Variants in NLGN4X observed in about 807,000 individuals in gnomAD.
The protein encoded by NLGN4X is neuroligin 4 X-linked.
A neutral mutation model predicts 40.3 loss-of-function variants in NLGN4X; 3 were observed. The observed-to-expected ratio is 0.07, with a 90% CI of 0.03 to 0.19. NLGN4X has a LOEUF of 0.19. NLGN4X is among the 10% of genes least tolerant of loss of function. The pLI, the probability that NLGN4X is intolerant of heterozygous loss-of-function variation, is 1.00. For missense variants in NLGN4X, 382 were observed against 708.3 expected, an observed-to-expected ratio of 0.54 and a Z score of 5.23; for synonymous variants, 270 against 306.8, an observed-to-expected ratio of 0.88 and a Z score of 1.25.
chrX:5,959,805 G>A (rs1289323700), intron 3 of NLGN4X, among the ~76,000 whole-genome samples: 1 of 111,144 alleles, frequency 9.0e-6, no homozygotes, highest in Non-Finnish European at 1.9e-5. Flanking sequence ...AATTGTTTTT[G>A]TTGATTTCTT....
At chrX:5,988,339 G>A (rs1569171327) in intron 3 of NLGN4X, among the ~76,000 whole-genome samples, 1 of 111,835 alleles carries the variant, frequency 8.9e-6, no homozygotes, top group Non-Finnish European at 1.9e-5. Context: ...AATTTATTAG[G>A]ACCCTCTAAG....
chrX:6,228,576 T>C lies in NLGN4X; in HGVS notation c.-341A>G, dbSNP rs1602466206. ...GAAGAGCTGCATCGGCCGTTAAGAG[T>C]TCTTTTTACACGTCCAGATTTTTCT... On this transcript the variant is annotated 5_prime_UTR_variant, in exon 1 of 6. Transcript: ENST00000381095. 9.0e-6 allele frequency: 1 copy of C among 110,625 alleles called. No homozygotes were observed. Among genetic ancestry groups the C allele is most frequent in the Non-Finnish European group, 1.9e-5 (1 of 52,939 alleles). 9.1% of individuals were successfully genotyped at this position (110,625 alleles called of 1,213,427 possible).
intron 3 of NLGN4X, among the ~76,000 whole-genome samples, chrX:5,984,955 A>G (rs141904092): frequency 0.067 from 7,509 of 111,691 alleles, 628 homozygotes; most frequent in African/African-American, 0.23. Flanking sequence ...TAGTGTAATC[A>G]TCAGAAAATC....
At chrX:6,186,488 T>C (rs1288217740) in intron 1 of NLGN4X, among the ~76,000 whole-genome samples, 1 of 112,155 alleles carries the variant, frequency 8.9e-6, no homozygotes, top group Admixed American at 9.5e-5. Context: ...CATTTAACTA[T>C]ATATGCTTGC....
rs766292457 is a variant in NLGN4X at position 6,100,556 on chromosome X, G to A, written c.472+50439C>T. On this transcript the variant is annotated intron_variant, in intron 2 of 5. Transcript: ENST00000381095. ...TAGCTGCAGGTAGAGTCCAGTGGGA[G>A]CTCCGTGGAGGGAAATTTATCTCTA... 2.7e-5 allele frequency among the ~76,000 whole-genome samples: 3 copies of A among 112,083 alleles called. No homozygotes were observed. In the East Asian group the frequency reaches 8.4e-4, roughly 31 times the overall value.
At chrX:6,161,472 CAT>C (rs1386661718) in intron 1 of NLGN4X, among the ~76,000 whole-genome samples, 3 of 98,259 alleles carry the variant, frequency 3.1e-5, no homozygotes, top group Admixed American at 1.2e-4. Flanking sequence ...TAATAAAAAA[CAT>C]ATAAAATATA....
At chrX:5,920,976 G>A (rs1351738694) in intron 3 of NLGN4X, among the ~76,000 whole-genome samples, 1 of 110,123 alleles carries the variant, frequency 9.1e-6, no homozygotes, top group Non-Finnish European at 1.9e-5. Context: ...GACAACGGCT[G>A]GGTGGTAGTG....
At chrX:5,982,932 G>T (rs1442119728) in intron 3 of NLGN4X, among the ~76,000 whole-genome samples, 1 of 112,382 alleles carries the variant, frequency 8.9e-6, no homozygotes, top group African/African-American at 3.2e-5. Context: ...GATCCAGCTA[G>T]ATGCCCAGCA....
intron 3 of NLGN4X, among the ~76,000 whole-genome samples, chrX:5,953,033 C>T (rs184929304): frequency 5.5e-4 from 61 of 110,536 alleles, no homozygotes; most frequent in African/African-American, 2.0e-3. Context: ...GTATCTCGTT[C>T]ACTATCCAAA....
intron 1 of NLGN4X, among the ~76,000 whole-genome samples, chrX:6,208,844 T>C (rs1924291561): frequency 1.8e-5 from 2 of 111,619 alleles, no homozygotes; most frequent in Admixed American, 9.6e-5. Flanking sequence ...GAACTAAAAA[T>C]AGAACTACCA....
chrX:6,113,694 C>A (rs868336419), intron 2 of NLGN4X, among the ~76,000 whole-genome samples: 98 of 91,473 alleles, frequency 1.1e-3, no homozygotes, highest in Admixed American at 1.2e-3. Flanking sequence ...GTGCTTGTTT[C>A]AAAAAAAAAA....
intron 1 of NLGN4X, among the ~76,000 whole-genome samples, chrX:6,196,071 A>G (rs754116435): frequency 6.9e-4 from 77 of 111,560 alleles, no homozygotes; most frequent in African/African-American, 2.1e-3. Flanking sequence ...GAGATTAATA[A>G]TAGTCATGAG....
At chrX:5,921,002 G>T (rs985951588) in intron 3 of NLGN4X, among the ~76,000 whole-genome samples, 1 of 109,882 alleles carries the variant, frequency 9.1e-6, no homozygotes. Context: ...TAAGAAAAAC[G>T]CTAATAGCAT....
At chrX:5,913,049 G>GGGAAGGAA (rs1285099310) in intron 3 of NLGN4X, among the ~76,000 whole-genome samples, 3 of 84,639 alleles carry the variant, frequency 3.5e-5, no homozygotes, top group Non-Finnish European at 6.8e-5. Context: ...GAGGGAGGGA[G>GGGAAGGAA]GGAAGGAAGG....
At chrX:6,178,135 T>C (rs180770015) in intron 1 of NLGN4X, among the ~76,000 whole-genome samples, 1 of 111,871 alleles carries the variant, frequency 8.9e-6, no homozygotes, top group Non-Finnish European at 1.9e-5. Context: ...AAACATTCCC[T>C]ATGTGCTCTC....
At chrX:5,973,570 C>T (rs2035087524) in intron 3 of NLGN4X, among the ~76,000 whole-genome samples, 1 of 111,729 alleles carries the variant, frequency 9.0e-6, no homozygotes, top group Admixed American at 9.5e-5. Flanking sequence ...TGCCTGTAAT[C>T]CCAGCACTTT....
At chrX:6,165,641 A>G (rs966639310) in intron 1 of NLGN4X, among the ~76,000 whole-genome samples, 1 of 111,508 alleles carries the variant, frequency 9.0e-6, no homozygotes, top group South Asian at 3.8e-4. Context: ...AGAATGCTCT[A>G]TGCTGCAAAC....
At chrX:6,074,780 G>A (rs1244264922) in intron 2 of NLGN4X, among the ~76,000 whole-genome samples, 3 of 110,975 alleles carry the variant, frequency 2.7e-5, no homozygotes, top group South Asian at 7.8e-4. Flanking sequence ...ATCTGAGTTC[G>A]TGCCATCATC....
At chrX:6,212,311 C>A (rs1056588711) in intron 1 of NLGN4X, among the ~76,000 whole-genome samples, 3 of 109,141 alleles carry the variant, frequency 2.7e-5, no homozygotes, top group Non-Finnish European at 5.7e-5. Context: ...GAGAATAGAT[C>A]CAGTTACATG....
Sources: allele counts gnomAD v4.1 joint callset (sites outside exome capture counted in the v4.1 genomes callset), GRCh38; gene constraint gnomAD v4.1.1; transcripts MANE v1.5; gene names NCBI Gene and HGNC (gene_info 2026-07-23, HGNC 2026-07-21).